The following SLC41A2 variants were observed in gnomAD, a reference collection of about 807,000 sequenced individuals.
The protein encoded by SLC41A2 is SLC41A1-like 1.
A neutral mutation model predicts 58.3 loss-of-function variants in SLC41A2; 32 were observed. The ratio of observed to expected loss-of-function variants is 0.55; its 90% CI spans 0.41 to 0.74. The LOEUF (loss-of-function observed/expected upper bound fraction) is 0.74. Among genes scored for constraint, SLC41A2 ranks in the 30% least tolerant of loss-of-function variants. The pLI is 0.00. For synonymous variants in SLC41A2, 190 were observed against 235.0 expected (o/e 0.81, Z 1.75); for missense variants, 514 against 680.6 (o/e 0.76, Z 2.72).
intron 10 of SLC41A2, among the ~76,000 whole-genome samples, chr12:104,838,771 G>A (rs2042299950): frequency 6.6e-6 from 1 of 152,092 alleles, no homozygotes; most frequent in African/African-American, 2.4e-5. Context: ...GTAAGTCTTG[G>A]GTTCTTCTCT....
chr12:104,812,277 G>A lies in SLC41A2; in HGVS notation c.1537-6940C>T, dbSNP rs527609368. ...CTCTCCATGTCTCAGTCTCCTCCCC[G>A]TTCAAGACAGAGATGTGATGTGAAT... On this transcript the variant is annotated intron_variant, in intron 10 of 10. Coordinates refer to ENST00000258538, the MANE Select transcript of SLC41A2 (RefSeq NM_001352171.3). Among the ~76,000 whole-genome samples, 15 of 152,284 alleles carry A rather than the reference G, an allele frequency of 9.9e-5. No homozygotes were observed. The East Asian group carries it at 1.5e-3, about 16-fold the overall frequency.
chr12:104,916,811 A>G (rs1335728620), intron 2 of SLC41A2, among the ~76,000 whole-genome samples: 2 of 152,200 alleles, frequency 1.3e-5, no homozygotes, highest in Non-Finnish European at 2.9e-5. Flanking sequence ...TACACCTTAT[A>G]CAAAAATTAA....
chr12:104,910,818 C>T (rs929061710), intron 2 of SLC41A2, among the ~76,000 whole-genome samples: 2 of 152,190 alleles, frequency 1.3e-5, no homozygotes, highest in African/African-American at 2.4e-5. Context: ...ATTTCTTTGA[C>T]ATATTTTTAA....
intron 4 of SLC41A2, among the ~76,000 whole-genome samples, chr12:104,891,864 C>T (rs1323874713): frequency 6.6e-6 from 1 of 152,088 alleles, no homozygotes; most frequent in Non-Finnish European, 1.5e-5. Context: ...AAAATCAACA[C>T]ACAAGAAGCA....
At chr12:104,881,338 T>C (rs1031801208) in intron 6 of SLC41A2, among the ~76,000 whole-genome samples, 1 of 152,244 alleles carries the variant, frequency 6.6e-6, no homozygotes, top group Non-Finnish European at 1.5e-5. Flanking sequence ...CTGATCTTAG[T>C]TATATCTTGC....
chr12:104,881,428 T>G (rs928076152), intron 6 of SLC41A2, among the ~76,000 whole-genome samples: 4 of 152,238 alleles, frequency 2.6e-5, no homozygotes, highest in African/African-American at 9.6e-5. Flanking sequence ...ATTTTAGATC[T>G]TTCCTGCTTT....
intron 10 of SLC41A2, among the ~76,000 whole-genome samples, chr12:104,817,588 C>T (rs2041464300): frequency 6.6e-6 from 1 of 150,526 alleles, no homozygotes; most frequent in Non-Finnish European, 1.5e-5. Flanking sequence ...TTTTCTTTGC[C>T]TCTCCTCTTT....
At chr12:104,840,123 A>G (rs1234436629) in intron 10 of SLC41A2, among the ~76,000 whole-genome samples, 1 of 152,216 alleles carries the variant, frequency 6.6e-6, no homozygotes, top group Non-Finnish European at 1.5e-5. Flanking sequence ...AACCCTGAAG[A>G]TGACAGTAAG....
At chr12:104,841,498 G>T (rs1592975201) in intron 10 of SLC41A2, among the ~76,000 whole-genome samples, 2 of 152,076 alleles carry the variant, frequency 1.3e-5, no homozygotes, top group Non-Finnish European at 2.9e-5. Context: ...AGTAAACAAA[G>T]ATCCTATTTC....
chr12:104,897,912 T>A (rs942460210), intron 3 of SLC41A2, among the ~76,000 whole-genome samples: 1 of 152,182 alleles, frequency 6.6e-6, no homozygotes, highest in East Asian at 1.9e-4. Flanking sequence ...ATATGAGCCA[T>A]CTAAGTTTTT....
rs559923768 is a variant in SLC41A2 at position 104,801,839 on chromosome 12, A to G, written c.*3313T>C. ...CAATTTATTATAATTCATAAATATC[A>G]TATGTATACATAAATTACCCCAGTC... is the stretch of plus-strand genomic sequence containing the variant. On this transcript the variant is annotated 3_prime_UTR_variant, in exon 11 of 11. Coordinates refer to ENST00000258538, the MANE Select transcript of SLC41A2 (RefSeq NM_001352171.3). Among the ~76,000 whole-genome samples, 43 of 152,332 alleles carry G rather than the reference A, an allele frequency of 2.8e-4. No homozygotes were observed. The highest frequency in any genetic ancestry group is 1.0e-3 in the African/African-American group (42 of 41,584).
At chr12:104,807,498 T>C (rs573095942) in intron 10 of SLC41A2, among the ~76,000 whole-genome samples, 2 of 152,344 alleles carry the variant, frequency 1.3e-5, no homozygotes, top group Non-Finnish European at 2.9e-5. Flanking sequence ...TCAGGTAGTG[T>C]GATGCCTCCA....
In SLC41A2 at chr12:104,804,211, T is replaced by G. The variant is rs1234712832; in HGVS notation, c.*941A>C. The G allele has an allele frequency of 6.8e-6, 1 of 146,668 alleles. No homozygotes were observed. Among genetic ancestry groups the G allele is most frequent in the Non-Finnish European group, 1.5e-5 (1 of 66,644 alleles). 9.1% of individuals were successfully genotyped at this position (146,668 alleles called of 1,614,324 possible). A position where few individuals can be genotyped will look rare whatever the true frequency, so the allele number is the denominator to read the frequency against. On this transcript the variant is annotated 3_prime_UTR_variant, in exon 11 of 11. Coordinates refer to ENST00000258538, the MANE Select transcript of SLC41A2 (RefSeq NM_001352171.3). Reference sequence around the variant, plus strand: ...TAGTAAATTCTGGTCAGCAGCAAAATTTTTGGACCCAATGACAAAAACATG... The same window carrying G: ...TAGTAAATTCTGGTCAGCAGCAAAAGTTTTGGACCCAATGACAAAAACATG...
chr12:104,824,076 C>G (rs1373434067), intron 10 of SLC41A2, among the ~76,000 whole-genome samples: 1 of 151,996 alleles, frequency 6.6e-6, no homozygotes, highest in Non-Finnish European at 1.5e-5. Flanking sequence ...AAGGGAAGTG[C>G]TGAAGGGAAG....
At chr12:104,821,179 A>G (rs577867182) in intron 10 of SLC41A2, among the ~76,000 whole-genome samples, 10 of 152,312 alleles carry the variant, frequency 6.6e-5, no homozygotes, top group African/African-American at 2.4e-4. Context: ...GGCTTTAAAA[A>G]TATGTAGATA....
chr12:104,828,443 G>A (rs980948776), intron 10 of SLC41A2, among the ~76,000 whole-genome samples: 44 of 152,148 alleles, frequency 2.9e-4, no homozygotes, highest in African/African-American at 1.0e-3. Context: ...AATAAGGCAG[G>A]AGTCTAACTG....
intron 6 of SLC41A2, among the ~76,000 whole-genome samples, chr12:104,878,556 T>C (rs969393450): frequency 1.3e-5 from 2 of 150,774 alleles, no homozygotes; most frequent in Admixed American, 6.6e-5. Flanking sequence ...AGTGAGAACA[T>C]GCAGTGTTTG....
At chr12:104,817,158 A>T (rs1440900486) in intron 10 of SLC41A2, among the ~76,000 whole-genome samples, 1 of 152,230 alleles carries the variant, frequency 6.6e-6, no homozygotes, top group African/African-American at 2.4e-5. Flanking sequence ...AGGCAACTGT[A>T]ACAGAACCAG....
intron 2 of SLC41A2, among the ~76,000 whole-genome samples, chr12:104,925,874 C>A (rs2046817162): frequency 6.6e-6 from 1 of 152,118 alleles, no homozygotes; most frequent in African/African-American, 2.4e-5. Context: ...CCAAAACCAG[C>A]CTATTTATTG....
Sources: gnomAD v4.1 joint callset for allele counts (sites outside exome capture counted in the v4.1 genomes callset) on GRCh38, gnomAD v4.1.1 for gene constraint, MANE v1.5 for transcripts, NCBI Gene and HGNC (gene_info 2026-07-23, HGNC 2026-07-21) for gene names.